ANO10: variants seen among roughly 807,000 people sequenced by gnomAD.
The protein encoded by ANO10 is anoctamin-10.
Under a neutral mutation model 74.7 loss-of-function variants are expected in ANO10, and 77 were observed. That is an observed-to-expected ratio of 1.03 (90% CI 0.86 to 1.25). The LOEUF is 1.25. Ranked by LOEUF, ANO10 falls within the 50% of genes most tolerant of loss-of-function variation. The pLI, the probability that ANO10 is intolerant of heterozygous loss-of-function variation, is 0.00. For missense variants in ANO10, 721 were observed against 778.1 expected, an observed-to-expected ratio of 0.93 and a Z score of 0.87; for synonymous variants, 279 against 284.9, an observed-to-expected ratio of 0.98 and a Z score of 0.21.
intron 2 of ANO10, among the ~76,000 whole-genome samples, chr3:43,601,589 T>A (rs2082338697): frequency 6.6e-6 from 1 of 152,186 alleles, no homozygotes; most frequent in Admixed American, 6.5e-5. Flanking sequence ...GATAACAGGA[T>A]CATGAGCAGA....
intron 5 of ANO10, among the ~76,000 whole-genome samples, chr3:43,577,483 G>T (rs545238405): frequency 6.6e-6 from 1 of 152,122 alleles, no homozygotes; most frequent in Non-Finnish European, 1.5e-5. Context: ...GCCTTAGCTG[G>T]GGGGTGTGCT....
intron 11 of ANO10, among the ~76,000 whole-genome samples, chr3:43,515,870 T>C (rs1024007842): frequency 6.6e-6 from 1 of 152,182 alleles, no homozygotes; most frequent in African/African-American, 2.4e-5. Flanking sequence ...ATACCCTGAC[T>C]ATCTTCCCTC....
chr3:43,429,864 T>A (rs571104775), intron 12 of ANO10, among the ~76,000 whole-genome samples: 6 of 152,280 alleles, frequency 3.9e-5, no homozygotes, highest in East Asian at 1.9e-4. Context: ...TTTCAATGAC[T>A]AAATTTTGGT....
At chr3:43,481,873 C>T (rs1316913200) in intron 11 of ANO10, among the ~76,000 whole-genome samples, 1 of 151,510 alleles carries the variant, frequency 6.6e-6, no homozygotes, top group East Asian at 1.9e-4. Context: ...ACCTTTTGGA[C>T]TAAACCAGTG....
chr3:43,457,969 G>A (rs1457820561), intron 11 of ANO10, among the ~76,000 whole-genome samples: 1 of 152,068 alleles, frequency 6.6e-6, no homozygotes, highest in Non-Finnish European at 1.5e-5. Context: ...ATTCCTATAG[G>A]AGTTTGTGTG....
chr3:43,551,553 C>G, intron 10 of ANO10: 1 of 457,226 alleles, frequency 2.2e-6, no homozygotes, highest in Non-Finnish European at 4.4e-6. Flanking sequence ...TGCAATTCAG[C>G]CCTCTCTTTA....
At chr3:43,674,637 G>A (rs529157368) in intron 1 of ANO10, among the ~76,000 whole-genome samples, 2 of 152,302 alleles carry the variant, frequency 1.3e-5, no homozygotes, top group East Asian at 3.9e-4. Context: ...CTGAGACAAA[G>A]TTTAATGTTC....
At chr3:43,392,045 T>C (rs1269193673) in intron 12 of ANO10, among the ~76,000 whole-genome samples, 1 of 152,164 alleles carries the variant, frequency 6.6e-6, no homozygotes, top group Non-Finnish European at 1.5e-5. Flanking sequence ...ATGGAGCTTC[T>C]GGTCAGTGGA....
At chr3:43,540,465 T>C (rs890816739) in intron 11 of ANO10, among the ~76,000 whole-genome samples, 3 of 152,264 alleles carry the variant, frequency 2.0e-5, no homozygotes, top group Non-Finnish European at 2.9e-5. Context: ...AATTGTCTCA[T>C]CTTTATTCAA....
At chr3:43,648,129 C>T (rs971888210) in intron 1 of ANO10, among the ~76,000 whole-genome samples, 6 of 152,170 alleles carry the variant, frequency 3.9e-5, no homozygotes, top group South Asian at 2.1e-4. Context: ...GGGCTCCTCA[C>T]GTATAAAGTT....
At chr3:43,370,483 G>A (rs534706264) in intron 12 of ANO10, among the ~76,000 whole-genome samples, 11 of 135,302 alleles carry the variant, frequency 8.1e-5, no homozygotes, top group African/African-American at 2.8e-4. Context: ...CTGGGACGGT[G>A]CCTAGGCACC....
chr3:43,610,581 G>A (rs529689842), intron 1 of ANO10, among the ~76,000 whole-genome samples: 1 of 152,140 alleles, frequency 6.6e-6, no homozygotes, highest in African/African-American at 2.4e-5. Flanking sequence ...CAGGTGACAC[G>A]AATTTCTCAG....
At chr3:43,476,385 T>A (rs2076066160) in intron 11 of ANO10, among the ~76,000 whole-genome samples, 1 of 152,176 alleles carries the variant, frequency 6.6e-6, no homozygotes, top group South Asian at 2.1e-4. Context: ...TAGGCCTGCT[T>A]TTGATCTCCA....
intron 1 of ANO10, among the ~76,000 whole-genome samples, chr3:43,634,913 C>G (rs148794406): frequency 2.0e-4 from 30 of 152,200 alleles, no homozygotes; most frequent in Middle Eastern, 6.8e-3. Context: ...GGTCCTGTGG[C>G]ATGTGTGAAT....
chr3:43,681,374 G>A (rs1171740998), intron 1 of ANO10, among the ~76,000 whole-genome samples: 2 of 152,078 alleles, frequency 1.3e-5, no homozygotes, highest in Non-Finnish European at 2.9e-5. Context: ...AACAAGAAGA[G>A]CTAACTATCC....
chr3:43,611,539 T>C (rs967124872), intron 1 of ANO10, among the ~76,000 whole-genome samples: 1 of 152,192 alleles, frequency 6.6e-6, no homozygotes, highest in Admixed American at 6.5e-5. Flanking sequence ...AAATTCAAAT[T>C]CAATTCATGA....
intron 11 of ANO10, among the ~76,000 whole-genome samples, chr3:43,465,430 A>G (rs933662904): frequency 6.6e-6 from 1 of 152,196 alleles, no homozygotes; most frequent in Non-Finnish European, 1.5e-5. Context: ...TGTGTATCTA[A>G]ATATATATAA....
intron 11 of ANO10, among the ~76,000 whole-genome samples, chr3:43,481,119 A>G (rs186292431): frequency 6.6e-6 from 1 of 151,022 alleles, no homozygotes; most frequent in Non-Finnish European, 1.5e-5. Context: ...TAAAACTGAA[A>G]GACATAGTAT....
At chr3:43,428,509 G>A (rs2092931457) in intron 12 of ANO10, among the ~76,000 whole-genome samples, 1 of 151,982 alleles carries the variant, frequency 6.6e-6, no homozygotes, top group African/African-American at 2.4e-5. Context: ...CATTAGAGCT[G>A]CACATGTACA....
Sources: gnomAD v4.1 joint callset for allele counts (sites outside exome capture counted in the v4.1 genomes callset) on GRCh38, gnomAD v4.1.1 for gene constraint, MANE v1.5 for transcripts, NCBI Gene and HGNC (gene_info 2026-07-23, HGNC 2026-07-21) for gene names.